Variants in NAALADL2 observed in about 807,000 individuals in gnomAD.
NAALADL2 encodes the protein N-acetylated alpha-linked acidic dipeptidase like 2.
A neutral mutation model predicts 87.2 loss-of-function variants in NAALADL2; 76 were observed. That is an observed-to-expected ratio of 0.87 (90% confidence interval 0.72 to 1.05). The LOEUF (loss-of-function observed/expected upper bound fraction) is 1.05. Ranked by LOEUF, NAALADL2 falls within the 50% of genes least tolerant of loss-of-function variation. NAALADL2 has a pLI of 0.00. For missense variants in NAALADL2, 1,089 were observed against 945.8 expected, an observed-to-expected ratio of 1.15 and a Z score of -1.99; for synonymous variants, 354 against 331.0, an observed-to-expected ratio of 1.07 and a Z score of -0.75.
intron 11 of NAALADL2, among the ~76,000 whole-genome samples, chr3:175,732,904 G>T (rs1050744624): frequency 6.6e-6 from 1 of 151,736 alleles, no homozygotes; most frequent in Admixed American, 6.6e-5. Flanking sequence ...GGTCTGTCGG[G>T]GGGTAGGGTG....
intron 1 of NAALADL2, among the ~76,000 whole-genome samples, chr3:175,091,029 T>C (rs960468941): frequency 1.6e-4 from 25 of 152,146 alleles, no homozygotes; most frequent in Non-Finnish European, 3.2e-4. Flanking sequence ...GTCTTCTGAA[T>C]TACTATTTTT....
intron 5 of NAALADL2, among the ~76,000 whole-genome samples, chr3:175,386,787 C>T (rs150972937): frequency 1.9e-3 from 283 of 152,160 alleles, no homozygotes; most frequent in African/African-American, 6.6e-3. Flanking sequence ...TCTTATGCTA[C>T]TTGTATGTTA....
At chr3:175,468,275 A>G (rs1724388394) in intron 8 of NAALADL2, among the ~76,000 whole-genome samples, 1 of 152,108 alleles carries the variant, frequency 6.6e-6, no homozygotes, top group Non-Finnish European at 1.5e-5. Flanking sequence ...CTGTATGCAA[A>G]TGAGTGGTGT....
chr3:175,185,707 A>G (rs935262024), intron 2 of NAALADL2, among the ~76,000 whole-genome samples: 7 of 150,950 alleles, frequency 4.6e-5, no homozygotes, highest in African/African-American at 1.5e-4. Flanking sequence ...TATTTTTTGT[A>G]TAATTATTTT....
intron 1 of NAALADL2, among the ~76,000 whole-genome samples, chr3:174,455,964 T>C (rs1052231837): frequency 6.6e-6 from 1 of 152,074 alleles, no homozygotes; most frequent in African/African-American, 2.4e-5. Flanking sequence ...GAAAACCCCA[T>C]AGTCTCAGCC....
intron 1 of NAALADL2, among the ~76,000 whole-genome samples, chr3:175,029,222 C>G (rs969556604): frequency 6.6e-6 from 1 of 152,048 alleles, no homozygotes; most frequent in African/African-American, 2.4e-5. Context: ...TATACTTCAG[C>G]TTTCCTGAAC....
chr3:174,764,613 T>C (rs4426690), intron 3 of NAALADL2, among the ~76,000 whole-genome samples: 121,178 of 152,146 alleles, frequency 0.8, 48,409 homozygotes, highest in Middle Eastern at 0.88. Context: ...TGTCTCAAAA[T>C]AAAAACAAAC....
At chr3:175,310,808 G>A (rs557773116) in intron 4 of NAALADL2, among the ~76,000 whole-genome samples, 5 of 151,892 alleles carry the variant, frequency 3.3e-5, no homozygotes, top group Non-Finnish European at 7.4e-5. Context: ...AAAATAAATA[G>A]TAAGTTGGTA....
intron 1 of NAALADL2, among the ~76,000 whole-genome samples, chr3:175,007,890 AT>A (rs1223202879): frequency 6.6e-6 from 1 of 152,140 alleles, no homozygotes; most frequent in African/African-American, 2.4e-5. Context: ...TTAAATAAAG[AT>A]TACTTGAACT....
At position 175,545,825 on chromosome 3, in the gene NAALADL2, T is replaced by C. The variant is rs6762159; in HGVS notation, c.1654-30216T>C. Among the ~76,000 whole-genome samples the C allele has an allele frequency of 8.9e-3, 1,351 of 152,286 alleles. 25 individuals carry two copies. Among genetic ancestry groups the C allele is most frequent in the African/African-American group, 0.031 (1,282 of 41,568 alleles). ...TAGAAAAGTTTACTTCTTTAATATTTAACCATTGTAATCCAAGTTTTGCAT... is the reference window on the plus strand; with the variant it reads ...TAGAAAAGTTTACTTCTTTAATATTCAACCATTGTAATCCAAGTTTTGCAT... On this transcript the variant is annotated intron_variant, in intron 9 of 13. Transcript: ENST00000454872.
At chr3:175,285,875 G>A (rs571182541) in intron 4 of NAALADL2, among the ~76,000 whole-genome samples, 93 of 152,130 alleles carry the variant, frequency 6.1e-4, no homozygotes, top group Non-Finnish European at 1.1e-3. Flanking sequence ...TACCCTCAAA[G>A]ATAGTAAATT....
At chr3:175,302,981 T>C (rs2110235426) in intron 4 of NAALADL2, among the ~76,000 whole-genome samples, 1 of 152,138 alleles carries the variant, frequency 6.6e-6, no homozygotes, top group Non-Finnish European at 1.5e-5. Context: ...AAGGAAATAT[T>C]TGAAGCAATA....
chr3:174,467,257 G>A (rs1375239475), intron 1 of NAALADL2, among the ~76,000 whole-genome samples: 1 of 152,100 alleles, frequency 6.6e-6, no homozygotes, highest in Non-Finnish European at 1.5e-5. Flanking sequence ...GAGATATGAT[G>A]GATTTATAAT....
intron 4 of NAALADL2, among the ~76,000 whole-genome samples, chr3:175,320,557 T>C (rs760611627): frequency 2.6e-5 from 4 of 152,100 alleles, no homozygotes; most frequent in Non-Finnish European, 4.4e-5. Flanking sequence ...CAGTGGCTAT[T>C]TTCTAAACAG....
intron 1 of NAALADL2, among the ~76,000 whole-genome samples, chr3:174,899,250 A>G (rs1398879263): frequency 6.6e-6 from 1 of 152,178 alleles, no homozygotes; most frequent in African/African-American, 2.4e-5. Flanking sequence ...GAAGAAAGAC[A>G]TGAAAGAGAA....
At chr3:175,450,423 G>A (rs1721391481) in intron 6 of NAALADL2, among the ~76,000 whole-genome samples, 1 of 152,054 alleles carries the variant, frequency 6.6e-6, no homozygotes, top group Non-Finnish European at 1.5e-5. Flanking sequence ...TTGGAAATGG[G>A]CACATTAAGA....
chr3:174,852,816 C>T (rs1328420046), intron 3 of NAALADL2, among the ~76,000 whole-genome samples: 1 of 152,050 alleles, frequency 6.6e-6, no homozygotes, highest in East Asian at 1.9e-4. Context: ...TCAAATTATA[C>T]TATAAGGCTA....
At chr3:175,320,526 G>C (rs1355252613) in intron 4 of NAALADL2, among the ~76,000 whole-genome samples, 2 of 152,058 alleles carry the variant, frequency 1.3e-5, no homozygotes, top group Non-Finnish European at 2.9e-5. Flanking sequence ...AGTATACTGG[G>C]GTCTGTCAGG....
chr3:175,102,516 A>C (rs768603509), intron 2 of NAALADL2, among the ~76,000 whole-genome samples: 1 of 152,222 alleles, frequency 6.6e-6, no homozygotes, highest in Non-Finnish European at 1.5e-5. Flanking sequence ...TTCAGAAACT[A>C]AAATGTCATA....
Sources: allele counts gnomAD v4.1 joint callset (sites outside exome capture counted in the v4.1 genomes callset), GRCh38; gene constraint gnomAD v4.1.1; transcripts MANE v1.5; gene names NCBI Gene and HGNC (gene_info 2026-07-23, HGNC 2026-07-21).